The following TNIK variants were observed in gnomAD, a reference collection of about 807,000 sequenced individuals.
TNIK encodes TRAF2 and NCK interacting kinase, also known as TRAF2 and NCK-interacting protein kinase.
TNIK carries 49 observed loss-of-function variants against 191.3 expected under a neutral mutation model. That is an observed-to-expected ratio of 0.26 (90% confidence interval 0.20 to 0.32). The LOEUF (loss-of-function observed/expected upper bound fraction) is 0.32, where lower values mean the gene tolerates loss of function less well. Ranked by LOEUF, TNIK falls within the 10% of genes least tolerant of loss-of-function variation. The pLI is 1.00. For missense variants in TNIK, 1,155 were observed against 1,702.3 expected, an observed-to-expected ratio of 0.68 and a Z score of 5.66; for synonymous variants, 594 against 600.9, an observed-to-expected ratio of 0.99 and a Z score of 0.17.
intron 2 of TNIK, among the ~76,000 whole-genome samples, chr3:171,306,510 C>T (rs1479720923): frequency 6.6e-6 from 1 of 152,100 alleles, no homozygotes; most frequent in African/African-American, 2.4e-5. Context: ...TTATAGATGC[C>T]AGCTGCGCTT....
At chr3:171,377,545 A>G (rs558876058) in intron 1 of TNIK, among the ~76,000 whole-genome samples, 1 of 152,366 alleles carries the variant, frequency 6.6e-6, no homozygotes, top group East Asian at 1.9e-4. Context: ...GATAGGCCAT[A>G]GCCTAAATGC....
At chr3:171,233,018 A>C (rs1326189452) in intron 2 of TNIK, among the ~76,000 whole-genome samples, 1 of 152,228 alleles carries the variant, frequency 6.6e-6, no homozygotes, top group Non-Finnish European at 1.5e-5. Flanking sequence ...TGGAAGACAG[A>C]ATACTTTCAT....
intron 12 of TNIK, among the ~76,000 whole-genome samples, chr3:171,145,745 A>G (rs1731473992): frequency 6.7e-6 from 1 of 149,250 alleles, no homozygotes; most frequent in Non-Finnish European, 1.5e-5. Flanking sequence ...ATCCTCATGC[A>G]TATTCCTCAC....
At chr3:171,378,379 T>C (rs1341010969) in intron 1 of TNIK, among the ~76,000 whole-genome samples, 2 of 152,230 alleles carry the variant, frequency 1.3e-5, no homozygotes, top group Non-Finnish European at 2.9e-5. Flanking sequence ...CTATGCCTGT[T>C]TCTTCAACTA....
At chr3:171,245,918 GAAAC>G (rs1384884455) in intron 2 of TNIK, among the ~76,000 whole-genome samples, 11 of 152,022 alleles carry the variant, frequency 7.2e-5, no homozygotes, top group African/African-American at 2.2e-4. Flanking sequence ...GAAAGAGAGA[GAAAC>G]AGACAGACAG....
chr3:171,299,954 T>C (rs913983920), intron 2 of TNIK, among the ~76,000 whole-genome samples: 17 of 152,328 alleles, frequency 1.1e-4, no homozygotes, highest in African/African-American at 3.6e-4. Context: ...ATGAATGATA[T>C]CTTTCAAATT....
intron 1 of TNIK, among the ~76,000 whole-genome samples, chr3:171,416,247 T>A (rs1364327246): frequency 6.6e-6 from 1 of 151,992 alleles, no homozygotes; most frequent in Admixed American, 6.6e-5. Flanking sequence ...CAACCTGACA[T>A]CATGTGCCCC....
At chr3:171,335,287 ATT>A (rs1756849186) in intron 2 of TNIK, among the ~76,000 whole-genome samples, 2 of 152,162 alleles carry the variant, frequency 1.3e-5, no homozygotes, top group Non-Finnish European at 2.9e-5. Flanking sequence ...CAATTTCCAA[ATT>A]TTGTTTTTTC....
At chr3:171,082,721 C>A (rs990553460) in intron 26 of TNIK, 4 of 217,058 alleles carry the variant, frequency 1.8e-5, no homozygotes, top group Non-Finnish European at 2.7e-5. Context: ...CCTGGAAAAA[C>A]CACTTCTTTC....
At position 171,287,163 on chromosome 3, in the gene TNIK, T is replaced by C. The variant is rs373321206; in HGVS notation, c.124-58942A>G. Among the ~76,000 whole-genome samples, 103 of 152,318 alleles carry C rather than the reference T, an allele frequency of 6.8e-4. 1 individual carries two copies. The South Asian group carries it at 0.021, about 31-fold the overall frequency. Reference sequence around the variant, plus strand: ...GGTATTATATGCTGCTGCAAATATTTCTTCCCATAGGCCAACTGAAAAACT... The same window carrying C: ...GGTATTATATGCTGCTGCAAATATTCCTTCCCATAGGCCAACTGAAAAACT... On this transcript the variant is annotated intron_variant, in intron 2 of 32. Transcript: ENST00000436636.
chr3:171,103,322 G>GAAAACCATAACATAGGT (rs1376677372), intron 21 of TNIK, among the ~76,000 whole-genome samples: 1 of 151,874 alleles, frequency 6.6e-6, no homozygotes, highest in Non-Finnish European at 1.5e-5. Flanking sequence ...AAAAGAAGAG[G>GAAAACCATAACATAGGT]AAAACCATAA....
chr3:171,326,326 G>A (rs1383801127), intron 2 of TNIK, among the ~76,000 whole-genome samples: 1 of 152,060 alleles, frequency 6.6e-6, no homozygotes, highest in Non-Finnish European at 1.5e-5. Context: ...TATCTTTCAA[G>A]ATACTGATTC....
chr3:171,317,871 T>G (rs988901563), intron 2 of TNIK, among the ~76,000 whole-genome samples: 4 of 152,202 alleles, frequency 2.6e-5, no homozygotes, highest in African/African-American at 9.7e-5. Context: ...CATGGCACTT[T>G]GAGTATGCTT....
At chr3:171,378,800 T>G (rs1717620484) in intron 1 of TNIK, among the ~76,000 whole-genome samples, 8 of 152,240 alleles carry the variant, frequency 5.3e-5, no homozygotes, top group Admixed American at 5.2e-4. Flanking sequence ...TATATACTTA[T>G]GCAGTTATAG....
chr3:171,380,029 GCACACA>G (rs35890103), intron 1 of TNIK, among the ~76,000 whole-genome samples: 16 of 117,114 alleles, frequency 1.4e-4, no homozygotes, highest in South Asian at 1.2e-3. Flanking sequence ...ACACACACGC[GCACACA>G]CACACACACA....
At chr3:171,155,384 G>C (rs776305522) in intron 12 of TNIK, among the ~76,000 whole-genome samples, 1 of 152,176 alleles carries the variant, frequency 6.6e-6, no homozygotes, top group East Asian at 1.9e-4. Flanking sequence ...TCTCCACTGC[G>C]CTATAGAATA....
intron 11 of TNIK, among the ~76,000 whole-genome samples, chr3:171,160,685 T>G (rs1456019072): frequency 2.6e-5 from 4 of 152,080 alleles, no homozygotes; most frequent in African/African-American, 9.7e-5. Flanking sequence ...GAATTCAAAA[T>G]GTAGGCATGA....
intron 1 of TNIK, among the ~76,000 whole-genome samples, chr3:171,438,764 T>C (rs927336065): frequency 6.6e-6 from 1 of 152,226 alleles, no homozygotes. Context: ...AGGGGTTTTG[T>C]GGCTCGATCA....
chr3:171,300,978 C>G (rs1752814021), intron 2 of TNIK, among the ~76,000 whole-genome samples: 2 of 152,032 alleles, frequency 1.3e-5, no homozygotes, highest in African/African-American at 4.8e-5. Flanking sequence ...GGATGGATGT[C>G]AAAAACTTTG....
Sources: allele counts gnomAD v4.1 joint callset (sites outside exome capture counted in the v4.1 genomes callset), GRCh38; gene constraint gnomAD v4.1.1; transcripts MANE v1.5; gene names NCBI Gene and HGNC (gene_info 2026-07-23, HGNC 2026-07-21).